The following HDAC9 variants were observed in gnomAD, a reference collection of about 807,000 sequenced individuals.
The protein encoded by HDAC9 is histone deacetylase 9.
HDAC9 carries 41 observed loss-of-function variants against 139.4 expected under a neutral mutation model. The observed-to-expected ratio is 0.29, with a 90% CI of 0.23 to 0.38. The LOEUF is 0.38. HDAC9 is among the 10% of genes least tolerant of loss of function. The pLI is 1.00. For missense variants in HDAC9, 1,147 were observed against 1,297.0 expected, an observed-to-expected ratio of 0.88 and a Z score of 1.78; for synonymous variants, 517 against 476.2, an observed-to-expected ratio of 1.09 and a Z score of -1.12.
chr7:18,415,997 A>G (rs145975119), intron 1 of HDAC9, among the ~76,000 whole-genome samples: 53 of 152,244 alleles, frequency 3.5e-4, no homozygotes, highest in African/African-American at 1.2e-3. Flanking sequence ...CTAAAATTTT[A>G]TTTAGAATTT....
chr7:18,228,250 C>T (rs868250091), intron 2 of HDAC9, among the ~76,000 whole-genome samples: 3 of 151,080 alleles, frequency 2.0e-5, no homozygotes, highest in Non-Finnish European at 2.9e-5. Context: ...TCTATTGTTG[C>T]CAAGTCATTT....
chr7:18,389,377 G>A (rs1196347792), intron 1 of HDAC9, among the ~76,000 whole-genome samples: 1 of 152,216 alleles, frequency 6.6e-6, no homozygotes, highest in Non-Finnish European at 1.5e-5. Context: ...CAGCTCTCCT[G>A]TATTCTTCAG....
intron 12 of HDAC9, among the ~76,000 whole-genome samples, chr7:18,710,715 T>C (rs1784283791): frequency 6.6e-6 from 1 of 152,186 alleles, no homozygotes; most frequent in African/African-American, 2.4e-5. Flanking sequence ...TGCTCCTTGA[T>C]GAGCTAAGCA....
chr7:18,799,147 T>C (rs545437199), intron 17 of HDAC9, among the ~76,000 whole-genome samples: 2 of 151,824 alleles, frequency 1.3e-5, no homozygotes, highest in East Asian at 3.9e-4. Context: ...TTAAAAGAAA[T>C]ATATTTATCC....
At chr7:18,238,159 A>C (rs779170918) in intron 2 of HDAC9, among the ~76,000 whole-genome samples, 3 of 152,224 alleles carry the variant, frequency 2.0e-5, no homozygotes, top group Non-Finnish European at 4.4e-5. Flanking sequence ...GTTTACTTCC[A>C]TAATGATAAG....
chr7:18,869,748 T>G (rs34896059), intron 21 of HDAC9, among the ~76,000 whole-genome samples: 2,057 of 152,178 alleles, frequency 0.014, 16 homozygotes, highest in African/African-American at 0.021. Flanking sequence ...ATTATTGTGG[T>G]GGTGTGAGAG....
chr7:18,600,356 A>T (rs771281410), intron 6 of HDAC9, among the ~76,000 whole-genome samples: 2 of 152,024 alleles, frequency 1.3e-5, no homozygotes, highest in East Asian at 1.9e-4. Flanking sequence ...ATATCCAAAA[A>T]TTTTTTGCCA....
At chr7:18,397,348 G>A (rs977022670) in intron 1 of HDAC9, among the ~76,000 whole-genome samples, 9 of 152,086 alleles carry the variant, frequency 5.9e-5, no homozygotes, top group African/African-American at 1.9e-4. Context: ...GCACTGAGAG[G>A]CATCAAATGC....
At chr7:18,694,919 C>T (rs1782932230) in intron 12 of HDAC9, among the ~76,000 whole-genome samples, 1 of 152,152 alleles carries the variant, frequency 6.6e-6, no homozygotes, top group African/African-American at 2.4e-5. Context: ...TCCTACTCCT[C>T]ATTTTCTCTA....
intron 1 of HDAC9, among the ~76,000 whole-genome samples, chr7:18,402,774 C>G (rs112151913): frequency 3.2e-4 from 49 of 152,134 alleles, no homozygotes; most frequent in Non-Finnish European, 6.2e-4. Context: ...TGAAAGGTTG[C>G]TTTCAGGCAC....
chr7:18,998,838 TCTA>T lies in HDAC9; in HGVS notation c.*2780_*2782del, dbSNP rs1262424216. 5 of 152,190 alleles carry T rather than the reference TCTA, an allele frequency of 3.3e-5. No individual in the cohort carries two copies. The highest frequency in any genetic ancestry group is 5.9e-5 in the Non-Finnish European group (4 of 68,038). The allele number at this position is 152,190 out of a possible 1,614,324, so 9.4% of individuals were successfully genotyped here. A position where few individuals can be genotyped will look rare whatever the true frequency, so the allele number is the denominator to read the frequency against. On this transcript the variant is annotated 3_prime_UTR_variant, in exon 26 of 26. Transcript: ENST00000686413. Reference sequence around the variant, plus strand: ...GTGAATAAAAATGATTTTTGATAAATCTACTAGTAAATAATACTAGGAATTTAA... The same window carrying T: ...GTGAATAAAAATGATTTTTGATAAATCTAGTAAATAATACTAGGAATTTAA...
At chr7:18,104,650 G>A (rs1343636038) in intron 1 of HDAC9, among the ~76,000 whole-genome samples, 3 of 151,960 alleles carry the variant, frequency 2.0e-5, no homozygotes, top group African/African-American at 7.3e-5. Flanking sequence ...GATCATCCCA[G>A]AGCTTCTGGG....
chr7:18,668,959 T>C, intron 12 of HDAC9: 1 of 878,780 alleles, frequency 1.1e-6, no homozygotes, highest in South Asian at 5.2e-5. Context: ...AACAAGAAAA[T>C]AAAGACATTT....
chr7:18,829,054 T>G, intron 17 of HDAC9, 107 bp from the exon 18 acceptor site: 1 of 797,722 alleles, frequency 1.3e-6, no homozygotes, highest in Non-Finnish European at 2.3e-6. Context: ...GAGACTTCAG[T>G]TTTGTGTGTG....
chr7:18,623,505 T>A (rs1210650294), intron 6 of HDAC9, among the ~76,000 whole-genome samples: 1 of 152,154 alleles, frequency 6.6e-6, no homozygotes, highest in Non-Finnish European at 1.5e-5. Context: ...ATCTATGTAA[T>A]GAACAATTTT....
intron 1 of HDAC9, among the ~76,000 whole-genome samples, chr7:18,110,868 G>A (rs1182570390): frequency 6.6e-6 from 1 of 152,150 alleles, no homozygotes; most frequent in Non-Finnish European, 1.5e-5. Context: ...TAAAAGATGA[G>A]GAACGGAGAT....
At chr7:18,894,843 T>G (rs1347840294) in intron 22 of HDAC9, among the ~76,000 whole-genome samples, 1 of 152,064 alleles carries the variant, frequency 6.6e-6, no homozygotes, top group Non-Finnish European at 1.5e-5. Context: ...AGGACACAGG[T>G]AGAAGGCTTG....
At chr7:18,494,286 A>G (rs1020672431), upstream of HDAC9, among the ~76,000 whole-genome samples, 1 of 152,076 alleles carries the variant, frequency 6.6e-6, no homozygotes, top group African/African-American at 2.4e-5. Context: ...GGCCTATTTG[A>G]TGAATGATTT....
chr7:18,686,059 T>C (rs1782245536), intron 12 of HDAC9, among the ~76,000 whole-genome samples: 1 of 151,942 alleles, frequency 6.6e-6, no homozygotes, highest in Non-Finnish European at 1.5e-5. Flanking sequence ...AAGTCATACA[T>C]CTGAACTATG....
Sources: allele counts gnomAD v4.1 joint callset (sites outside exome capture counted in the v4.1 genomes callset), GRCh38; gene constraint gnomAD v4.1.1; transcripts MANE v1.5; gene names NCBI Gene and HGNC (gene_info 2026-07-23, HGNC 2026-07-21).